ZFP62: variants seen among roughly 807,000 people sequenced by gnomAD.
ZFP62 encodes the protein ZFP62 zinc finger protein.
A neutral mutation model predicts 56.4 loss-of-function variants in ZFP62; 44 were observed. The observed-to-expected ratio is 0.78, with a 90% CI of 0.61 to 1.00. ZFP62 has a LOEUF of 1.00. Among genes scored for constraint, ZFP62 ranks in the 50% least tolerant of loss-of-function variants. The pLI, the probability that ZFP62 is intolerant of heterozygous loss-of-function variation, is 0.00. For synonymous variants in ZFP62, 421 were observed against 388.9 expected (o/e 1.08, Z -0.97); for missense variants, 1,030 against 1,085.7 (o/e 0.95, Z 0.72).
downstream of ZFP62, among the ~76,000 whole-genome samples, chr5:180,846,883 C>A (rs1773424442): frequency 6.6e-6 from 1 of 152,210 alleles, no homozygotes; most frequent in African/African-American, 2.4e-5. Flanking sequence ...TGTATAGGGT[C>A]AGGCTTGCCA....
At chr5:180,833,158 G>C in the ZFP62 span, among the ~76,000 whole-genome samples, 1 of 152,110 alleles carries the variant, frequency 6.6e-6, no homozygotes, top group Non-Finnish European at 1.5e-5. Flanking sequence ...GAGGTAATTA[G>C]GTCATGAGAG....
At chr5:180,832,518 G>A in the ZFP62 span, among the ~76,000 whole-genome samples, 5 of 152,186 alleles carry the variant, frequency 3.3e-5, no homozygotes, top group Non-Finnish European at 7.3e-5. Flanking sequence ...CCAAATTGTA[G>A]TAATCTGTTA....
intron 1 of ZFP62, among the ~76,000 whole-genome samples, chr5:180,859,765 C>T (rs970271706): frequency 5.9e-5 from 9 of 152,182 alleles, no homozygotes; most frequent in African/African-American, 2.2e-4. Flanking sequence ...GAACTACTTA[C>T]GTCTTATTTG....
At chr5:180,845,643 G>A, downstream of ZFP62, 1 of 898,310 alleles carries the variant, frequency 1.1e-6, no homozygotes, top group South Asian at 5.1e-5. Context: ...GCTGAAGCTG[G>A]AGAAGAGAAA....
intron 1 of ZFP62, among the ~76,000 whole-genome samples, chr5:180,855,519 G>A (rs1773924936): frequency 6.6e-6 from 1 of 152,026 alleles, no homozygotes; most frequent in South Asian, 2.1e-4. Context: ...TTCCTCTCCT[G>A]GCTCCACATA....
intron 1 of ZFP62, chr5:180,851,962 C>A: frequency 1.0e-6 from 1 of 964,256 alleles, no homozygotes; most frequent in Non-Finnish European, 1.2e-6. Flanking sequence ...AGAGGACAGA[C>A]AAAACTAAAG....
chr5:180,849,360 G>C lies in ZFP62; in HGVS notation c.2135C>G (p.Ser712Ter), dbSNP rs1270398610. 6.4e-7 allele frequency: 1 copy of C among 1,551,610 alleles called. No individual in the cohort carries two copies. Among genetic ancestry groups the C allele is most frequent in the Non-Finnish European group, 8.7e-7 (1 of 1,147,026 alleles). The change falls in exon 2 of 2, where the codon TCA becomes TGA. Residue 712 changes from serine (S) to a stop codon, truncating the protein, a stop_gained. Transcript: ENST00000502412. LOFTEE classifies it high-confidence loss of function. ...TTTATGGCTTATAAGAGTTCTGCTT[G>C]AGAAAAAAGCTTTTCCACATTCATC... The part of the protein sequence containing the change: ...TCDECGKAFF[S>*]SRTLISHKRV...
intron 1 of ZFP62, among the ~76,000 whole-genome samples, chr5:180,858,702 T>G (rs1581977210): frequency 6.6e-6 from 1 of 152,180 alleles, no homozygotes; most frequent in Non-Finnish European, 1.5e-5. Flanking sequence ...TAAGTCACTA[T>G]AATCCAATCA....
In ZFP62 at chr5:180,848,656, T is replaced by C. The variant is rs530519938; in HGVS notation, c.*136A>G. ...TTGCTTGCTATGATTGAAAATCACA[T>C]AGAAAGGATTCCTCATAATCCTCTA... On this transcript the variant is annotated 3_prime_UTR_variant, in exon 2 of 2. Transcript: ENST00000502412. 21 of 1,382,974 alleles carry C rather than the reference T, an allele frequency of 1.5e-5. No homozygotes were observed. Among genetic ancestry groups the C allele is most frequent in the Admixed American group, 9.1e-5 (3 of 33,042 alleles). 85.7% of individuals were successfully genotyped at this position (1,382,974 alleles called of 1,614,324 possible). A position where few individuals can be genotyped will look rare whatever the true frequency, so the allele number is the denominator to read the frequency against.
the ZFP62 span, among the ~76,000 whole-genome samples, chr5:180,840,746 C>T: frequency 2.7e-5 from 4 of 148,826 alleles, no homozygotes; most frequent in Non-Finnish European, 4.4e-5. Context: ...GGCGACAGAG[C>T]GAGAATCTGC....
At chr5:180,840,953 AAAG>A in the ZFP62 span, among the ~76,000 whole-genome samples, 8 of 152,120 alleles carry the variant, frequency 5.3e-5, no homozygotes, top group Non-Finnish European at 1.0e-4. Flanking sequence ...GCGTCCAGAA[AAAG>A]AAGGACGCTG....
chr5:180,845,739 C>CA, downstream of ZFP62: 1 of 985,384 alleles, frequency 1.0e-6, no homozygotes, highest in Non-Finnish European at 1.2e-6. Flanking sequence ...TTCAGGTCCC[C>CA]AATGTCTGCC....
chr5:180,852,591 T>C (rs1368788428), intron 1 of ZFP62, among the ~76,000 whole-genome samples: 2 of 151,628 alleles, frequency 1.3e-5, no homozygotes, highest in African/African-American at 4.8e-5. Context: ...TTAGATCCCA[T>C]TCTTCACACC....
downstream of ZFP62, chr5:180,845,616 A>G: frequency 2.9e-6 from 2 of 678,848 alleles, no homozygotes; most frequent in Non-Finnish European, 3.6e-6. Context: ...TTCCTTCTCC[A>G]TGTCTCTAGG....
rs140265621 is a variant in ZFP62 at position 180,851,359 on chromosome 5, C to T, written c.136G>A (p.Asp46Asn). Reference protein sequence around the residue: ...ESKVGDTCVWDSKVENQQKKP... With the variant: ...ESKVGDTCVWNSKVENQQKKP... The stretch of plus-strand genomic sequence containing the variant: ...TTCTGTTGATTCTCTACCTTGCTAT[C>T]CCAAACACATGTGTCACCAACCTTA... Residue 46 changes from aspartate to asparagine, a missense_variant, in exon 2 of 2, where the codon GAT becomes AAT. Asp to Asn is a conservative substitution (Grantham distance 23). Coordinates refer to ENST00000502412, the MANE Select transcript of ZFP62 (RefSeq NM_001172638.2). 1.7e-4 allele frequency: 265 copies of T among 1,551,644 alleles called. No homozygotes were observed. In the African/African-American group the frequency reaches 3.3e-3, roughly 20 times the overall value.
chr5:180,840,954 A>T, the ZFP62 span, among the ~76,000 whole-genome samples: 1 of 152,032 alleles, frequency 6.6e-6, no homozygotes, highest in African/African-American at 2.4e-5. Context: ...CGTCCAGAAA[A>T]AGAAGGACGC....
chr5:180,854,809 C>T (rs1773887982), intron 1 of ZFP62, among the ~76,000 whole-genome samples: 1 of 152,128 alleles, frequency 6.6e-6, no homozygotes, highest in African/African-American at 2.4e-5. Context: ...TTTTCAAATA[C>T]ATCATTTTCA....
chr5:180,857,583 C>T (rs1480576794), intron 1 of ZFP62, among the ~76,000 whole-genome samples: 1 of 152,188 alleles, frequency 6.6e-6, no homozygotes, highest in East Asian at 1.9e-4. Flanking sequence ...CTGCAGCCTC[C>T]ACCACCCAGG....
the ZFP62 span, chr5:180,831,039 G>T: frequency 6.6e-6 from 1 of 152,536 alleles, no homozygotes; most frequent in Non-Finnish European, 1.5e-5. Flanking sequence ...TTTGACAGCC[G>T]TGAGCTTCCC....
Sources: gnomAD v4.1 joint callset for allele counts (sites outside exome capture counted in the v4.1 genomes callset) on GRCh38, gnomAD v4.1.1 for gene constraint, MANE v1.5 for transcripts, NCBI Gene and HGNC (gene_info 2026-07-23, HGNC 2026-07-21) for gene names.